Variants in SSU72 observed in about 807,000 individuals in gnomAD.
The protein encoded by SSU72 is RNA polymerase II subunit A C-terminal domain phosphatase SSU72.
In SSU72, 12 loss-of-function variants were observed where a neutral mutation model predicts 22.7. That is an observed-to-expected ratio of 0.53 (90% confidence interval 0.34 to 0.86). The LOEUF is 0.86. SSU72 is among the 40% of genes least tolerant of loss of function. The probability of loss-of-function intolerance (pLI) is 0.02; values close to 1 mark genes in which losing one functional copy is unlikely to be tolerated. For synonymous variants in SSU72, 116 were observed against 98.3 expected (o/e 1.18, Z -1.06); for missense variants, 151 against 249.8 (o/e 0.60, Z 2.67).
intron 1 of SSU72, among the ~76,000 whole-genome samples, chr1:1,568,056 C>A (rs1642683608): frequency 1.3e-5 from 2 of 152,134 alleles, no homozygotes; most frequent in Admixed American, 6.6e-5. Flanking sequence ...AAACAAAATG[C>A]AGTTTGTTTT....
intron 1 of SSU72, among the ~76,000 whole-genome samples, chr1:1,570,745 G>A (rs1046658395): frequency 1.5e-4 from 23 of 152,230 alleles, no homozygotes; most frequent in African/African-American, 5.5e-4. Flanking sequence ...ATGCATGCGT[G>A]AACACATGGA....
intron 2 of SSU72, chr1:1,564,385 G>GGCACGCACGCACACAC (rs1642632481): frequency 7.8e-7 from 1 of 1,279,842 alleles, no homozygotes; most frequent in African/African-American, 1.5e-5. Flanking sequence ...ATGTGTATCA[G>GGCACGCACGCACACAC]GCACGCACGC....
chr1:1,550,780 T>C (rs1481880864), intron 2 of SSU72, among the ~76,000 whole-genome samples: 2 of 152,144 alleles, frequency 1.3e-5, no homozygotes, highest in African/African-American at 4.8e-5. Context: ...CATGGACTGG[T>C]GCCGGCCGGA....
At chr1:1,544,064 GCT>G in intron 3 of SSU72, 77 bp from the exon 4 acceptor site, 1 of 1,120,932 alleles carries the variant, frequency 8.9e-7, no homozygotes, top group East Asian at 2.4e-5. Flanking sequence ...TGAGTCCCCA[GCT>G]CTGCCGGCTG....
intron 2 of SSU72, chr1:1,564,496 C>T (rs1267193184): frequency 6.7e-7 from 1 of 1,494,318 alleles, no homozygotes; most frequent in African/African-American, 1.4e-5. Flanking sequence ...CCTAAGCATC[C>T]CTGGTCTACG....
intron 2 of SSU72, among the ~76,000 whole-genome samples, chr1:1,558,001 G>C (rs1022176178): frequency 2.7e-5 from 4 of 150,094 alleles, no homozygotes; most frequent in African/African-American, 7.4e-5. Flanking sequence ...CATGAGGTCA[G>C]GACCAGCCTG....
intron 1 of SSU72, among the ~76,000 whole-genome samples, chr1:1,571,234 GACTCCA>G (rs1642727032): frequency 8.4e-6 from 1 of 118,932 alleles, no homozygotes; most frequent in Non-Finnish European, 1.7e-5. Flanking sequence ...GACAGAGTGA[GACTCCA>G]TCTCAAAAAA....
At chr1:1,547,118 C>A (rs556206837) in intron 2 of SSU72, among the ~76,000 whole-genome samples, 2 of 152,096 alleles carry the variant, frequency 1.3e-5, no homozygotes, top group Non-Finnish European at 2.9e-5. Context: ...GACCGGCTCA[C>A]GGAGAGGAAC....
intron 1 of SSU72, 47 bp downstream of exon 1, chr1:1,574,431 C>T: frequency 6.5e-7 from 1 of 1,548,026 alleles, no homozygotes; most frequent in African/African-American, 1.4e-5. Flanking sequence ...GGAGGGAGGG[C>T]CGGTCGCCGG....
chr1:1,548,738 C>T (rs1486865431), intron 2 of SSU72, among the ~76,000 whole-genome samples: 1 of 152,186 alleles, frequency 6.6e-6, no homozygotes, highest in Admixed American at 6.5e-5. Context: ...CGTCCTCCCA[C>T]TCGCCCCCGG....
chr1:1,556,719 G>A (rs1642525840), intron 2 of SSU72, among the ~76,000 whole-genome samples: 1 of 152,178 alleles, frequency 6.6e-6, no homozygotes, highest in East Asian at 1.9e-4. Flanking sequence ...CCAGCTCTGG[G>A]GGGGTCCACC....
chr1:1,552,057 C>T (rs904998004), intron 2 of SSU72, among the ~76,000 whole-genome samples: 1 of 152,224 alleles, frequency 6.6e-6, no homozygotes, highest in East Asian at 1.9e-4. Flanking sequence ...TGAGGCTGAC[C>T]AGCGTTCCGA....
chr1:1,550,104 G>A (rs142142110), intron 2 of SSU72, among the ~76,000 whole-genome samples: 1 of 151,002 alleles, frequency 6.6e-6, no homozygotes, highest in Non-Finnish European at 1.5e-5. Flanking sequence ...ACTTGAACCT[G>A]GGAGGGGAGA....
chr1:1,558,911 A>G (rs1642551718), intron 2 of SSU72, among the ~76,000 whole-genome samples: 1 of 152,236 alleles, frequency 6.6e-6, no homozygotes, highest in South Asian at 2.1e-4. Flanking sequence ...TTCTCCCCAA[A>G]GGCACTCCAA....
intron 2 of SSU72, among the ~76,000 whole-genome samples, chr1:1,553,511 C>T (rs1642478922): frequency 6.6e-6 from 1 of 150,462 alleles, no homozygotes. Context: ...CGCAGCGGCT[C>T]ATGCCTGTAA....
rs1642335978 is a variant in SSU72 at position 1,542,537 on chromosome 1, G to C, written c.484-370C>G. Among the ~76,000 whole-genome samples the C allele has an allele frequency of 6.6e-6, 1 of 152,128 alleles. No homozygotes were observed. Among genetic ancestry groups the C allele is most frequent in the Non-Finnish European group, 1.5e-5 (1 of 68,016 alleles). Reference sequence around the variant, plus strand: ...TCCACACCACCAACAAGCGAGCGGGGGCAGCCTGGTCATCGGAGCATCCTG... The same window carrying C: ...TCCACACCACCAACAAGCGAGCGGGCGCAGCCTGGTCATCGGAGCATCCTG... On this transcript the variant is annotated intron_variant, in intron 4 of 4. Coordinates refer to ENST00000291386, the MANE Select transcript of SSU72 (RefSeq NM_014188.3). The surrounding 1 kb of genome is among the most constrained non-coding windows in gnomAD (Gnocchi z 4.4).
intron 1 of SSU72, among the ~76,000 whole-genome samples, chr1:1,569,185 T>G (rs1422764628): frequency 3.4e-5 from 5 of 148,632 alleles, no homozygotes; most frequent in Admixed American, 6.7e-5. Flanking sequence ...AAAAATAAAA[T>G]AAAAGAAAAA....
intron 1 of SSU72, among the ~76,000 whole-genome samples, chr1:1,570,294 C>T (rs7548693): frequency 3.5e-5 from 5 of 143,382 alleles, no homozygotes; most frequent in African/African-American, 5.1e-5. Context: ...AAAAAAAAAA[C>T]AAAAAAAAAA....
At chr1:1,559,862 G>C (rs919505476) in intron 2 of SSU72, among the ~76,000 whole-genome samples, 3 of 152,142 alleles carry the variant, frequency 2.0e-5, no homozygotes, top group Admixed American at 6.5e-5. Flanking sequence ...GAGTAGCTAG[G>C]ATCAGGCATG....
Sources: allele counts gnomAD v4.1 joint callset (sites outside exome capture counted in the v4.1 genomes callset), GRCh38; gene constraint gnomAD v4.1.1; non-coding constraint Gnocchi (gnomAD v3.1); transcripts MANE v1.5; gene names NCBI Gene and HGNC (gene_info 2026-07-23, HGNC 2026-07-21).